MAP4K3: variants seen among roughly 807,000 people sequenced by gnomAD.
The protein encoded by MAP4K3 is MAPK/ERK kinase kinase kinase 3.
A neutral mutation model predicts 143.5 loss-of-function variants in MAP4K3; 94 were observed. The observed-to-expected ratio is 0.65, with a 90% confidence interval of 0.55 to 0.78. The LOEUF is 0.78. MAP4K3 is among the 30% of genes least tolerant of loss of function. MAP4K3 has a pLI of 0.00. For synonymous variants in MAP4K3, 416 were observed against 347.2 expected, an observed-to-expected ratio of 1.20 and a Z score of -2.20; for missense variants, 1,077 against 1,068.1, an observed-to-expected ratio of 1.01 and a Z score of -0.12.
At chr2:39,384,903 G>A (rs1558679726) in intron 1 of MAP4K3, among the ~76,000 whole-genome samples, 1 of 152,092 alleles carries the variant, frequency 6.6e-6, no homozygotes, top group Non-Finnish European at 1.5e-5. Flanking sequence ...AACTCCAATG[G>A]AAGTCATAAT....
rs1573156737 is a variant in MAP4K3, at chr2:39,327,991, T to A, written c.531-1714A>T. 2.6e-5 allele frequency among the ~76,000 whole-genome samples: 4 copies of A among 152,346 alleles called. No individual in the cohort carries two copies. In the South Asian group the frequency reaches 8.3e-4, roughly 32 times the overall value. On this transcript the variant is annotated intron_variant, in intron 8 of 33. Transcript: ENST00000263881. ...TCATCTCTGAAACTGTTTATTCCAG[T>A]TACATTTGCTATTGTAAACACATAG...
At chr2:39,339,193 A>T (rs1440470638) in intron 4 of MAP4K3, among the ~76,000 whole-genome samples, 1 of 152,226 alleles carries the variant, frequency 6.6e-6, no homozygotes, top group African/African-American at 2.4e-5. Flanking sequence ...GAAAGAGAGA[A>T]ATCTATTCCA....
intron 3 of MAP4K3, among the ~76,000 whole-genome samples, chr2:39,347,380 T>C (rs1665322437): frequency 6.6e-6 from 1 of 152,198 alleles, no homozygotes; most frequent in South Asian, 2.1e-4. Flanking sequence ...CACAAGTGAA[T>C]CTTTCATGTT....
chr2:39,428,797 C>T (rs1045128199), intron 1 of MAP4K3, among the ~76,000 whole-genome samples: 1 of 151,720 alleles, frequency 6.6e-6, no homozygotes, highest in East Asian at 1.9e-4. Flanking sequence ...GGGCCGGGTG[C>T]AGTGGCTCAC....
intron 26 of MAP4K3, 192 bp downstream of exon 26, chr2:39,272,091 A>C: frequency 2.3e-6 from 1 of 427,170 alleles, no homozygotes; most frequent in Non-Finnish European, 4.1e-6. Context: ...GTCTGATATA[A>C]TTTGAAAGTA....
intron 1 of MAP4K3, among the ~76,000 whole-genome samples, chr2:39,418,513 CT>C (rs1405250241): frequency 6.6e-6 from 1 of 152,096 alleles, no homozygotes; most frequent in African/African-American, 2.4e-5. Context: ...TGTTTAGTGA[CT>C]TGCTTCCAAA....
chr2:39,337,752 GTTTTTTTTTTTTTTTTTT>G (rs570853243), intron 4 of MAP4K3, among the ~76,000 whole-genome samples, 171 bp from the exon 5 acceptor site: 1 of 70,512 alleles, frequency 1.4e-5, no homozygotes, highest in South Asian at 7.6e-4. Context: ...CCTGGCTCCA[GTTTTTTTTTTTTTTTTTT>G]TTTTTTTTTT....
intron 8 of MAP4K3, among the ~76,000 whole-genome samples, chr2:39,326,932 C>T (rs953015110): frequency 1.4e-4 from 22 of 152,254 alleles, no homozygotes; most frequent in Middle Eastern, 3.4e-3. Flanking sequence ...CCATGCAATA[C>T]AATACTGTGA....
At chr2:39,341,960 A>G (rs1216340700) in intron 4 of MAP4K3, among the ~76,000 whole-genome samples, 2 of 151,974 alleles carry the variant, frequency 1.3e-5, no homozygotes, top group Non-Finnish European at 2.9e-5. Context: ...CATAAAGCAG[A>G]AACCTTCTCA....
chr2:39,287,188 G>A (rs573110413), intron 20 of MAP4K3, among the ~76,000 whole-genome samples: 6 of 152,248 alleles, frequency 3.9e-5, no homozygotes, highest in Admixed American at 3.9e-4. Flanking sequence ...AATTCAGGTT[G>A]TGTATAAGTG....
intron 24 of MAP4K3, among the ~76,000 whole-genome samples, chr2:39,274,782 T>C (rs563623733): frequency 3.9e-5 from 6 of 152,344 alleles, no homozygotes; most frequent in African/African-American, 9.6e-5. Flanking sequence ...TAGAGCTGAA[T>C]AGTAATTAAA....
chr2:39,396,503 A>C (rs1280991819), intron 1 of MAP4K3, among the ~76,000 whole-genome samples: 1 of 146,186 alleles, frequency 6.8e-6, no homozygotes, highest in African/African-American at 2.5e-5. Flanking sequence ...TTTTTTAAGC[A>C]GAGTCTCACT....
chr2:39,422,642 G>A (rs1667578850), intron 1 of MAP4K3, among the ~76,000 whole-genome samples: 1 of 152,178 alleles, frequency 6.6e-6, no homozygotes, highest in Admixed American at 6.5e-5. Flanking sequence ...TCACAAAGAA[G>A]CAAAGGTGAT....
intron 2 of MAP4K3, among the ~76,000 whole-genome samples, chr2:39,375,292 G>A (rs747177070): frequency 3.3e-5 from 5 of 151,920 alleles, no homozygotes; most frequent in African/African-American, 1.2e-4. Flanking sequence ...AGAAAAATGT[G>A]AGCGTAACAC....
chr2:39,347,641 G>C (rs1665333128), intron 3 of MAP4K3, among the ~76,000 whole-genome samples: 2 of 151,958 alleles, frequency 1.3e-5, no homozygotes, highest in South Asian at 4.2e-4. Context: ...GTAGTGTAGT[G>C]TAGTATAACT....
intron 28 of MAP4K3, among the ~76,000 whole-genome samples, chr2:39,263,025 G>A (rs1051913887): frequency 6.6e-6 from 1 of 151,914 alleles, no homozygotes; most frequent in Non-Finnish European, 1.5e-5. Flanking sequence ...CTGGGAGGCT[G>A]AGGGTGCAGT....
chr2:39,392,182 T>TAAAAAAA (rs1304401747), intron 1 of MAP4K3, among the ~76,000 whole-genome samples: 1 of 2,226 alleles, frequency 4.5e-4, no homozygotes. Flanking sequence ...ACACTCCTAC[T>TAAAAAAA]CAAAAAAAAA....
intron 2 of MAP4K3, among the ~76,000 whole-genome samples, chr2:39,375,309 T>A (rs899068927): frequency 6.6e-6 from 1 of 152,006 alleles, no homozygotes; most frequent in African/African-American, 2.4e-5. Flanking sequence ...ACACCACTCG[T>A]GAAGTAGTTC....
intron 15 of MAP4K3, among the ~76,000 whole-genome samples, chr2:39,304,204 C>T (rs1398318833): frequency 1.3e-5 from 2 of 149,764 alleles, no homozygotes; most frequent in African/African-American, 4.9e-5. Context: ...TTAAATACAA[C>T]ATTCTAAATT....
Sources: gnomAD v4.1 joint callset for allele counts (sites outside exome capture counted in the v4.1 genomes callset) on GRCh38, gnomAD v4.1.1 for gene constraint, MANE v1.5 for transcripts, NCBI Gene and HGNC (gene_info 2026-07-23, HGNC 2026-07-21) for gene names.